The following CTNNA3 variants were observed in gnomAD, a reference collection of about 807,000 sequenced individuals.
CTNNA3 encodes catenin alpha 3.
Under a neutral mutation model 95.7 loss-of-function variants are expected in CTNNA3, and 76 were observed. The ratio of observed to expected loss-of-function variants is 0.79; its 90% CI spans 0.66 to 0.96. The LOEUF is 0.96. CTNNA3 is among the 40% of genes least tolerant of loss of function. CTNNA3 has a pLI of 0.00. For synonymous variants in CTNNA3, 431 were observed against 374.4 expected, an observed-to-expected ratio of 1.15 and a Z score of -1.74; for missense variants, 1,191 against 1,089.8, an observed-to-expected ratio of 1.09 and a Z score of -1.31.
intron 7 of CTNNA3, among the ~76,000 whole-genome samples, chr10:67,161,654 T>C (rs1414013549): frequency 2.0e-5 from 3 of 151,968 alleles, no homozygotes; most frequent in Non-Finnish European, 1.5e-5. Flanking sequence ...ATTAGATGGA[T>C]AGGTAGATAG....
chr10:67,642,383 A>G (rs1839566466), intron 2 of CTNNA3, among the ~76,000 whole-genome samples: 1 of 152,120 alleles, frequency 6.6e-6, no homozygotes, highest in South Asian at 2.1e-4. Context: ...ATGAACAGAC[A>G]CTTCTCAAAA....
chr10:67,097,166 C>A (rs1344589149), intron 7 of CTNNA3, among the ~76,000 whole-genome samples: 1 of 151,736 alleles, frequency 6.6e-6, no homozygotes, highest in East Asian at 1.9e-4. Flanking sequence ...TTTGTGAATG[C>A]TAAAGTTTGA....
intron 11 of CTNNA3, among the ~76,000 whole-genome samples, chr10:66,492,807 TC>T (rs1839969217): frequency 6.6e-6 from 1 of 152,166 alleles, no homozygotes; most frequent in South Asian, 2.1e-4. Flanking sequence ...GGGCTTTGAT[TC>T]CCTTAAGCAT....
chr10:66,142,473 T>C (rs2083669019), intron 13 of CTNNA3, among the ~76,000 whole-genome samples: 1 of 152,152 alleles, frequency 6.6e-6, no homozygotes, highest in South Asian at 2.1e-4. Flanking sequence ...TTAAATATTG[T>C]CTTGTCTATT....
chr10:65,931,370 G>T (rs2077249969), intron 17 of CTNNA3, among the ~76,000 whole-genome samples: 1 of 152,168 alleles, frequency 6.6e-6, no homozygotes, highest in South Asian at 2.1e-4. Flanking sequence ...TATGTACTAT[G>T]TCAGTTGTTT....
chr10:66,708,470 A>G (rs946858251), intron 9 of CTNNA3, among the ~76,000 whole-genome samples: 2 of 152,008 alleles, frequency 1.3e-5, no homozygotes, highest in Non-Finnish European at 2.9e-5. Context: ...GACACTAGTC[A>G]TGTTAGGTAA....
intron 13 of CTNNA3, among the ~76,000 whole-genome samples, chr10:66,235,538 T>TA (rs2089809486): frequency 6.6e-6 from 1 of 152,006 alleles, no homozygotes; most frequent in Non-Finnish European, 1.5e-5. Context: ...AGCCTAATTA[T>TA]ATCTCAAAGC....
intron 9 of CTNNA3, among the ~76,000 whole-genome samples, chr10:66,668,417 C>G (rs2132463932): frequency 1.1e-5 from 1 of 92,140 alleles, no homozygotes; most frequent in East Asian, 3.1e-4. Flanking sequence ...TTTCTCAACT[C>G]TCATATGTGT....
chr10:66,284,290 C>A (rs1167178469), intron 12 of CTNNA3, among the ~76,000 whole-genome samples: 2 of 151,904 alleles, frequency 1.3e-5, no homozygotes, highest in Admixed American at 6.6e-5. Flanking sequence ...GTCTCATAAT[C>A]CTCACGGAAG....
At chr10:67,578,996 GATATATATATATAT>G (rs533690910) in intron 3 of CTNNA3, among the ~76,000 whole-genome samples, 954 of 86,746 alleles carry the variant, frequency 0.011, 8 homozygotes, top group South Asian at 0.049. Context: ...TGATCATAGT[GATATATATATATAT>G]ATATATATAT....
intron 7 of CTNNA3, chr10:67,097,834 T>C: frequency 6.3e-7 from 1 of 1,587,244 alleles, no homozygotes; most frequent in Middle Eastern, 1.7e-4. Flanking sequence ...TACCAAACTT[T>C]GTAACCTCAA....
chr10:66,462,809 G>A (rs2093538509), intron 11 of CTNNA3, among the ~76,000 whole-genome samples: 1 of 152,032 alleles, frequency 6.6e-6, no homozygotes, highest in African/African-American at 2.4e-5. Flanking sequence ...TGAAATGGAA[G>A]AATCAGGATA....
At chr10:67,010,948 C>T (rs1852286778) in intron 7 of CTNNA3, among the ~76,000 whole-genome samples, 1 of 152,100 alleles carries the variant, frequency 6.6e-6, no homozygotes, top group East Asian at 1.9e-4. Context: ...TACCATGAAT[C>T]TTAGACAACT....
chr10:66,973,692 C>T (rs1026573192), intron 7 of CTNNA3, among the ~76,000 whole-genome samples: 5 of 152,062 alleles, frequency 3.3e-5, no homozygotes, highest in African/African-American at 2.4e-5. Flanking sequence ...GGTGCGATCT[C>T]GGCTCACTGC....
In CTNNA3 at chr10:66,748,668, T is replaced by C. The variant is rs552903971; in HGVS notation, c.1281+17596A>G. On this transcript the variant is annotated intron_variant, in intron 9 of 17. Coordinates refer to ENST00000433211, the MANE Select transcript of CTNNA3 (RefSeq NM_013266.4). Reference sequence around the variant, plus strand: ...GTTAAATGAATAAACCAATTAACAATTAATAAAATAATTAATTAATTCAGT... The same window carrying C: ...GTTAAATGAATAAACCAATTAACAACTAATAAAATAATTAATTAATTCAGT... Among the ~76,000 whole-genome samples, 7 of 152,276 alleles carry C rather than the reference T, an allele frequency of 4.6e-5. No individual in the cohort carries two copies. In the South Asian group the frequency reaches 1.0e-3, roughly 23 times the overall value.
intron 5 of CTNNA3, among the ~76,000 whole-genome samples, chr10:67,512,529 T>C (rs1839669323): frequency 6.6e-6 from 1 of 152,140 alleles, no homozygotes; most frequent in African/African-American, 2.4e-5. Context: ...GACACGGGAT[T>C]CTAGAAATTG....
In CTNNA3 at chr10:66,341,086, T is replaced by C. The variant is rs140614399; in HGVS notation, c.1732+38066A>G. Among the ~76,000 whole-genome samples the C allele has an allele frequency of 1.3e-3, 195 of 152,030 alleles. 2 individuals carry two copies. The highest frequency in any genetic ancestry group is 4.4e-3 in the African/African-American group (184 of 41,546). ...TGAACTATCATCATCCTAAGAGTCT[T>C]ACTTCCTTTCATGGTGATTGTCAGG... is the stretch of plus-strand genomic sequence containing the variant. On this transcript the variant is annotated intron_variant, in intron 12 of 17. Transcript: ENST00000433211.
intron 7 of CTNNA3, among the ~76,000 whole-genome samples, chr10:66,877,897 CA>C (rs1286909472): frequency 6.6e-6 from 1 of 152,088 alleles, no homozygotes; most frequent in African/African-American, 2.4e-5. Flanking sequence ...TTATAATGTT[CA>C]AAACTTAGAA....
At chr10:67,204,324 G>C (rs545401332) in intron 6 of CTNNA3, among the ~76,000 whole-genome samples, 1 of 152,130 alleles carries the variant, frequency 6.6e-6, no homozygotes, top group Admixed American at 6.5e-5. Flanking sequence ...GTACTGTAGA[G>C]TGAGTGAGTT....
Sources: allele counts gnomAD v4.1 joint callset (sites outside exome capture counted in the v4.1 genomes callset), GRCh38; gene constraint gnomAD v4.1.1; transcripts MANE v1.5; gene names NCBI Gene and HGNC (gene_info 2026-07-23, HGNC 2026-07-21).